The following NDST4 variants were observed in gnomAD, a reference collection of about 807,000 sequenced individuals.
The protein encoded by NDST4 is N-deacetylase and N-sulfotransferase 4.
Under a neutral mutation model 100.8 loss-of-function variants are expected in NDST4, and 63 were observed. The observed-to-expected ratio is 0.62, with a 90% CI of 0.51 to 0.77. The LOEUF (loss-of-function observed/expected upper bound fraction) is 0.77, where lower values mean the gene tolerates loss of function less well. NDST4 is among the 30% of genes least tolerant of loss of function. NDST4 has a pLI of 0.00. For missense variants in NDST4, 943 were observed against 1,018.4 expected, an observed-to-expected ratio of 0.93 and a Z score of 1.01; for synonymous variants, 377 against 361.8, an observed-to-expected ratio of 1.04 and a Z score of -0.48.
chr4:114,995,221 C>A (rs957054891), intron 2 of NDST4, among the ~76,000 whole-genome samples: 1 of 151,942 alleles, frequency 6.6e-6, no homozygotes, highest in Non-Finnish European at 1.5e-5. Context: ...TGTCTTACTA[C>A]TGTTAAGGGA....
intron 6 of NDST4, among the ~76,000 whole-genome samples, chr4:114,876,194 A>T (rs1029473561): frequency 6.6e-6 from 1 of 152,160 alleles, no homozygotes; most frequent in Non-Finnish European, 1.5e-5. Flanking sequence ...GTATTTTTCA[A>T]GATAGGCATT....
rs1343650949 is a variant in NDST4 at position 114,937,415 on chromosome 4, C to T, written c.1310G>A (p.Trp437Ter). 3.7e-6 allele frequency: 6 copies of T among 1,613,890 alleles called. No homozygotes were observed. Among genetic ancestry groups the T allele is most frequent in the Non-Finnish European group, 5.1e-6 (6 of 1,179,878 alleles). Residue 437 changes from tryptophan to a stop codon, truncating the protein, a stop_gained, in exon 5 of 14, where the codon TGG becomes TAG. Coordinates refer to ENST00000264363, the MANE Select transcript of NDST4 (RefSeq NM_022569.3). LOFTEE classifies it high-confidence loss of function. ...GACTTGAATACCCCAGACCTTCTTC[C>T]AAGCTGCATACAGCTGAATGTGAAC... ...YPVHIQLYAA[W>*]KKVWGIQVTS...
intron 2 of NDST4, among the ~76,000 whole-genome samples, chr4:114,979,044 A>G (rs79078637): frequency 0.027 from 4,052 of 152,092 alleles, 119 homozygotes; most frequent in African/African-American, 0.067. Flanking sequence ...TGGTGCCTCC[A>G]ACACCCATTG....
At chr4:114,957,010 C>T (rs1726156121) in intron 4 of NDST4, among the ~76,000 whole-genome samples, 1 of 152,016 alleles carries the variant, frequency 6.6e-6, no homozygotes, top group South Asian at 2.1e-4. Flanking sequence ...CAAATTTGTT[C>T]AAAGAACTAA....
intron 7 of NDST4, among the ~76,000 whole-genome samples, chr4:114,868,765 C>T (rs1006728663): frequency 6.6e-6 from 1 of 151,630 alleles, no homozygotes; most frequent in African/African-American, 2.4e-5. Flanking sequence ...AGTACTCTTA[C>T]AGAAAACTAT....
chr4:114,831,893 GA>G (rs768701154), intron 12 of NDST4, among the ~76,000 whole-genome samples: 13 of 152,164 alleles, frequency 8.5e-5, no homozygotes, highest in Non-Finnish European at 1.8e-4. Context: ...GTGAAATTAA[GA>G]TGCAAAGCCT....
In NDST4 at chr4:114,929,120, CTATCTATCTATCTATCT is replaced by C. The variant is rs1725457081; in HGVS notation, c.1536+6069_1536+6085del. ...TCCATCCATCCATCCATCCATCTAT[CTATCTATCTATCTATCT>C]ATCTATCTATCTATCTATCTATCTA... On this transcript the variant is annotated intron_variant, in intron 6 of 13. Coordinates refer to ENST00000264363, the MANE Select transcript of NDST4 (RefSeq NM_022569.3). 5.3e-5 allele frequency among the ~76,000 whole-genome samples: 7 copies of C among 133,216 alleles called. No homozygotes were observed. The Admixed American group carries it at 5.3e-4, about 10-fold the overall frequency. 87.4% of individuals were successfully genotyped at this position (133,216 alleles called of 152,430 possible).
chr4:114,887,835 G>A (rs1298383134), intron 6 of NDST4, among the ~76,000 whole-genome samples: 1 of 152,032 alleles, frequency 6.6e-6, no homozygotes, highest in Non-Finnish European at 1.5e-5. Context: ...CCACTTTGTT[G>A]TCACTAGATA....
intron 4 of NDST4, among the ~76,000 whole-genome samples, chr4:114,960,994 G>C (rs529132724): frequency 3.9e-5 from 6 of 152,228 alleles, no homozygotes; most frequent in African/African-American, 1.4e-4. Context: ...AAGAAGGAAG[G>C]AGGGAGGAAT....
chr4:115,062,104 AT>A (rs1329536371), intron 2 of NDST4, among the ~76,000 whole-genome samples: 1 of 152,044 alleles, frequency 6.6e-6, no homozygotes, highest in East Asian at 1.9e-4. Context: ...AAATAGAACA[AT>A]CAGGAGAGAA....
chr4:114,929,916 T>A (rs1289240512), intron 6 of NDST4, among the ~76,000 whole-genome samples: 2 of 152,064 alleles, frequency 1.3e-5, no homozygotes, highest in African/African-American at 4.8e-5. Context: ...GGGCAAGAGG[T>A]CCAGGGGAGG....
intron 2 of NDST4, among the ~76,000 whole-genome samples, chr4:115,054,191 C>A (rs768546844): frequency 2.7e-4 from 41 of 151,780 alleles, no homozygotes; most frequent in Non-Finnish European, 5.3e-4. Flanking sequence ...TAATATATGG[C>A]AGGCTTATTT....
chr4:114,984,060 G>A (rs1333814140), intron 2 of NDST4, among the ~76,000 whole-genome samples: 1 of 152,146 alleles, frequency 6.6e-6, no homozygotes, highest in Non-Finnish European at 1.5e-5. Flanking sequence ...CAGCCATGTA[G>A]AACTGTGAGT....
At chr4:114,834,976 T>G (rs1294713244) in intron 11 of NDST4, among the ~76,000 whole-genome samples, 1 of 152,220 alleles carries the variant, frequency 6.6e-6, no homozygotes, top group Non-Finnish European at 1.5e-5. Context: ...CACTTTTGAT[T>G]GTGTCTATTC....
chr4:115,061,013 T>C (rs1397346854), intron 2 of NDST4, among the ~76,000 whole-genome samples: 1 of 152,066 alleles, frequency 6.6e-6, no homozygotes, highest in Non-Finnish European at 1.5e-5. Context: ...GTGATGGATA[T>C]GAACAAATAC....
chr4:115,108,151 A>G (rs988831507), intron 1 of NDST4, among the ~76,000 whole-genome samples: 1 of 152,122 alleles, frequency 6.6e-6, no homozygotes, highest in Admixed American at 6.6e-5. Context: ...CTTTAGAGTA[A>G]TGAATAGAAT....
At chr4:115,055,084 G>T (rs980256655) in intron 2 of NDST4, among the ~76,000 whole-genome samples, 4 of 152,022 alleles carry the variant, frequency 2.6e-5, no homozygotes, top group Non-Finnish European at 4.4e-5. Context: ...TCATAGGGGC[G>T]TGAACCCTAT....
Position 114,986,551 on chromosome 4 carries a change from T to G in NDST4, c.979-9277A>C, listed in dbSNP as rs183184145. 7.4e-3 allele frequency among the ~76,000 whole-genome samples: 1,130 copies of G among 152,112 alleles called. 15 individuals are homozygous for G. Among genetic ancestry groups the G allele is most frequent in the Middle Eastern group, 0.017 (5 of 294 alleles). The stretch of plus-strand genomic sequence containing the variant: ...AATACTGTTCAGTTCTTATAAGTCC[T>G]AATCTCTCTTTCAATTGTATCTTAT... On this transcript the variant is annotated intron_variant, in intron 2 of 13. Transcript: ENST00000264363.
At chr4:114,892,107 C>G (rs915140871) in intron 6 of NDST4, among the ~76,000 whole-genome samples, 1 of 152,030 alleles carries the variant, frequency 6.6e-6, no homozygotes, top group Non-Finnish European at 1.5e-5. Flanking sequence ...GAAAATTTTA[C>G]CAGGTGTAAC....
Sources: allele counts gnomAD v4.1 joint callset (sites outside exome capture counted in the v4.1 genomes callset), GRCh38; gene constraint gnomAD v4.1.1; transcripts MANE v1.5; gene names NCBI Gene and HGNC (gene_info 2026-07-23, HGNC 2026-07-21).